SIGLEC14: variants seen among roughly 807,000 people sequenced by gnomAD.
The protein encoded by SIGLEC14 is sialic acid-binding Ig-like lectin 14.
A neutral mutation model predicts 34.2 loss-of-function variants in SIGLEC14; 11 were observed. That is an observed-to-expected ratio of 0.32 (90% CI 0.20 to 0.53). The LOEUF is 0.53. Ranked by LOEUF, SIGLEC14 falls within the 20% of genes least tolerant of loss-of-function variation. SIGLEC14 has a pLI of 0.95. For synonymous variants in SIGLEC14, 99 were observed against 179.7 expected (o/e 0.55, Z 3.59); for missense variants, 264 against 439.0 (o/e 0.60, Z 3.56).
chr19:51,641,592 C>T lies in SIGLEC14; in HGVS notation c.*1763G>A, dbSNP rs1161752343. Among the ~76,000 whole-genome samples the T allele has an allele frequency of 7.2e-6, 1 of 139,316 alleles. No homozygotes were observed. The highest frequency in any genetic ancestry group is 1.5e-5 in the Non-Finnish European group (1 of 65,022). The allele number at this position is 139,316 out of a possible 152,430, so 91.4% of individuals were successfully genotyped here. A position where few individuals can be genotyped will look rare whatever the true frequency, so the allele number is the denominator to read the frequency against. On this transcript the variant is annotated 3_prime_UTR_variant, in exon 7 of 7. Coordinates refer to ENST00000360844, the MANE Select transcript of SIGLEC14 (RefSeq NM_001098612.3). ...TAGAGAAAATGTGGTACATATACAC[C>T]ATGGAATACTAAGCAGCCATAAAAA...
At position 51,642,645 on chromosome 19, in the gene SIGLEC14, GT is replaced by G. The variant is rs954759997; in HGVS notation, c.*709del. On this transcript the variant is annotated 3_prime_UTR_variant, in exon 7 of 7. Transcript: ENST00000360844. ...TGGATAATAATCACAATGAGGTAGAGTTTTAACTGGAAAACAAATGCTGCCT... is the reference window on the plus strand; with the variant it reads ...TGGATAATAATCACAATGAGGTAGAGTTTAACTGGAAAACAAATGCTGCCT... 2.2e-5 allele frequency: 3 copies of G among 138,842 alleles called. 1 individual carries two copies. Among genetic ancestry groups the G allele is most frequent in the African/African-American group, 8.2e-5 (3 of 36,448 alleles). The allele number at this position is 138,842 out of a possible 1,614,324, so 8.6% of individuals were successfully genotyped here.
chr19:51,640,944 C>T lies in SIGLEC14; in HGVS notation c.*2411G>A, dbSNP rs1357894473. 1.4e-5 allele frequency among the ~76,000 whole-genome samples: 2 copies of T among 138,948 alleles called. 1 individual carries two copies. The highest frequency in any genetic ancestry group is 5.5e-5 in the African/African-American group (2 of 36,536). 91.2% of individuals were successfully genotyped at this position (138,948 alleles called of 152,430 possible). A position where few individuals can be genotyped will look rare whatever the true frequency, so the allele number is the denominator to read the frequency against. ...GAGCCAAGATCGCGCCATTGCACTC[C>T]AGCCTGGGCAAAAAGAGCGAAACTC... is the stretch of plus-strand genomic sequence containing the variant. On this transcript the variant is annotated 3_prime_UTR_variant, in exon 7 of 7. Transcript: ENST00000360844.
Position 51,640,875 on chromosome 19 carries a change from T to C in SIGLEC14, c.*2480A>G, listed in dbSNP as rs1194154580. On this transcript the variant is annotated 3_prime_UTR_variant, in exon 7 of 7. Transcript: ENST00000360844. ...CTGTAATCCAAGCTATTTGGGAGGC[T>C]GAGGCAGGAGAATCACTTGTACCTG... 1.4e-5 allele frequency among the ~76,000 whole-genome samples: 2 copies of C among 138,416 alleles called. No individual in the cohort carries two copies. The highest frequency in any genetic ancestry group is 5.5e-5 in the African/African-American group (2 of 36,298). The allele number at this position is 138,416 out of a possible 152,430, so 90.8% of individuals were successfully genotyped here.
Position 51,640,441 on chromosome 19 carries a change from T to C in SIGLEC14, c.*2914A>G, listed in dbSNP as rs573732070. On this transcript the variant is annotated 3_prime_UTR_variant, in exon 7 of 7. Coordinates refer to ENST00000360844, the MANE Select transcript of SIGLEC14 (RefSeq NM_001098612.3). ...TGAAGCCCAGGGCAACTAGGAACACTGAAACAACAGGTAACAATTCTGGAA... is the reference window on the plus strand; with the variant it reads ...TGAAGCCCAGGGCAACTAGGAACACCGAAACAACAGGTAACAATTCTGGAA... Among the ~76,000 whole-genome samples the C allele has an allele frequency of 6.8e-4, 95 of 138,760 alleles. 6 individuals carry two copies. The highest frequency in any genetic ancestry group is 2.4e-3 in the African/African-American group (88 of 36,588). The allele number at this position is 138,760 out of a possible 152,430, so 91.0% of individuals were successfully genotyped here.
At chr19:51,643,487 A>ACC in intron 6 of SIGLEC14, 50 bp downstream of exon 6, 6 of 1,299,132 alleles carry the variant, frequency 4.6e-6, no homozygotes, top group Non-Finnish European at 4.0e-6. Flanking sequence ...AGGACAGCTC[A>ACC]GCCCCACCTG....
chr19:51,643,777 A>C lies in SIGLEC14; in HGVS notation c.1012+2T>G. ...ACCCTCAGCACCTGTCCTGCAACTC[A>C]CTCTGCACAGAAAGGATGAAGGACA... On this transcript the variant is annotated splice_donor_variant, in intron 5 of 6. Transcript: ENST00000360844. LOFTEE classifies it high-confidence loss of function. 6.6e-7 allele frequency: 1 copy of C among 1,515,076 alleles called. No homozygotes were observed. Among genetic ancestry groups the C allele is most frequent in the Non-Finnish European group, 8.8e-7 (1 of 1,130,354 alleles). The allele number at this position is 1,515,076 out of a possible 1,614,324, so 93.9% of individuals were successfully genotyped here.
chr19:51,645,436 G>T, intron 4 of SIGLEC14, 41 bp downstream of exon 4: 1 of 1,481,362 alleles, frequency 6.8e-7, no homozygotes, highest in Non-Finnish European at 9.1e-7. Context: ...GCTAATAGAA[G>T]GCTCCCATCA....
Position 51,642,606 on chromosome 19 carries a change from T to G in SIGLEC14, c.*749A>C, listed in dbSNP as rs1015529176. Reference sequence around the variant, plus strand: ...TGTTTCATAAAAGTTTTACTTATTTTGTAACAATTGTATTGGATAATAATC... The same window carrying G: ...TGTTTCATAAAAGTTTTACTTATTTGGTAACAATTGTATTGGATAATAATC... On this transcript the variant is annotated 3_prime_UTR_variant, in exon 7 of 7. Coordinates refer to ENST00000360844, the MANE Select transcript of SIGLEC14 (RefSeq NM_001098612.3). 1 of 139,288 alleles carries G rather than the reference T, an allele frequency of 7.2e-6. No homozygotes were observed. Among genetic ancestry groups the G allele is most frequent in the Non-Finnish European group, 1.5e-5 (1 of 65,110 alleles). The allele number at this position is 139,288 out of a possible 1,614,324, so 8.6% of individuals were successfully genotyped here. A position where few individuals can be genotyped will look rare whatever the true frequency, so the allele number is the denominator to read the frequency against.
rs777283350 is a variant in SIGLEC14 at position 51,645,600 on chromosome 19, C to A, written c.701-70G>T. 3.4e-6 allele frequency: 5 copies of A among 1,473,670 alleles called. 1 individual carries two copies. Among genetic ancestry groups the A allele is most frequent in the South Asian group, 2.5e-5 (2 of 81,358 alleles). The allele number at this position is 1,473,670 out of a possible 1,614,324, so 91.3% of individuals were successfully genotyped here. A position where few individuals can be genotyped will look rare whatever the true frequency, so the allele number is the denominator to read the frequency against. ...GATGGGCGTGGTCCCGGGAGGGACCCAAGGAGGGGCCACAGAAACCCACCA... is the reference window on the plus strand; with the variant it reads ...GATGGGCGTGGTCCCGGGAGGGACCAAAGGAGGGGCCACAGAAACCCACCA... On this transcript the variant is annotated intron_variant, in intron 3 of 6. Coordinates refer to ENST00000360844, the MANE Select transcript of SIGLEC14 (RefSeq NM_001098612.3).
At position 51,644,058 on chromosome 19, in the gene SIGLEC14, A is replaced by G. The variant is rs765564793; in HGVS notation, c.755-22T>C. On this transcript the variant is annotated intron_variant, in intron 4 of 6. Transcript: ENST00000360844. ...AGGGCTGGGAAAGAGAAGCACAGCC[A>G]GGTGAGTGGAGCTGGGAGGCCCAAT... 1.8e-5 allele frequency: 26 copies of G among 1,480,402 alleles called. 5 individuals carry two copies. In the South Asian group the frequency reaches 2.7e-4, roughly 15 times the overall value. The allele number at this position is 1,480,402 out of a possible 1,614,324, so 91.7% of individuals were successfully genotyped here.
Position 51,645,003 on chromosome 19 carries a change from T to C in SIGLEC14, c.754+474A>G, listed in dbSNP as rs1423300311. On this transcript the variant is annotated intron_variant, in intron 4 of 6. Transcript: ENST00000360844. The stretch of plus-strand genomic sequence containing the variant: ...CAGAGGACATCGGAGCAGGCAGAAA[T>C]TCAAGAAAAGGGAACAGCGTGTCCT... Among the ~76,000 whole-genome samples, 3 of 136,040 alleles carry C rather than the reference T, an allele frequency of 2.2e-5. 1 individual carries two copies. Among genetic ancestry groups the C allele is most frequent in the Non-Finnish European group, 4.7e-5 (3 of 64,252 alleles). The allele number at this position is 136,040 out of a possible 152,430, so 89.2% of individuals were successfully genotyped here. A position where few individuals can be genotyped will look rare whatever the true frequency, so the allele number is the denominator to read the frequency against.
In SIGLEC14 at chr19:51,641,267, C is replaced by G. The variant is rs180855930; in HGVS notation, c.*2088G>C. Among the ~76,000 whole-genome samples, 132 of 139,228 alleles carry G rather than the reference C, an allele frequency of 9.5e-4. 21 individuals are homozygous for G. The highest frequency in any genetic ancestry group is 8.0e-3 in the South Asian group (33 of 4,106). 91.3% of individuals were successfully genotyped at this position (139,228 alleles called of 152,430 possible). A position where few individuals can be genotyped will look rare whatever the true frequency, so the allele number is the denominator to read the frequency against. ...GGGCAATACACATTCTTTCTAAGCA[C>G]ACATGGAGCATTCACCAAGATAGAC... is the stretch of plus-strand genomic sequence containing the variant. On this transcript the variant is annotated 3_prime_UTR_variant, in exon 7 of 7. Transcript: ENST00000360844.
Position 51,640,900 on chromosome 19 carries a change from G to C in SIGLEC14, c.*2455C>G, listed in dbSNP as rs1431413998. ...TGAGGCAGGAGAATCACTTGTACCT[G>C]GGAGGCGGAGGTTGCAGTGAGCCAA... On this transcript the variant is annotated 3_prime_UTR_variant, in exon 7 of 7. Transcript: ENST00000360844. Among the ~76,000 whole-genome samples, 1 of 138,722 alleles carries C rather than the reference G, an allele frequency of 7.2e-6. No homozygotes were observed. Among genetic ancestry groups the C allele is most frequent in the Non-Finnish European group, 1.5e-5 (1 of 64,868 alleles). 91.0% of individuals were successfully genotyped at this position (138,722 alleles called of 152,430 possible).
chr19:51,644,045 G>T lies in SIGLEC14; in HGVS notation c.755-9C>A. On this transcript the variant is annotated splice_polypyrimidine_tract_variant and intron_variant, in intron 4 of 6. Coordinates refer to ENST00000360844, the MANE Select transcript of SIGLEC14 (RefSeq NM_001098612.3). The stretch of plus-strand genomic sequence containing the variant: ...GCTCAGGATCCGCAGGGCTGGGAAA[G>T]AGAAGCACAGCCAGGTGAGTGGAGC... 1 of 1,494,664 alleles carries T rather than the reference G, an allele frequency of 6.7e-7. No individual in the cohort carries two copies. Among genetic ancestry groups the T allele is most frequent in the South Asian group, 1.3e-5 (1 of 77,068 alleles). 92.6% of individuals were successfully genotyped at this position (1,494,664 alleles called of 1,614,324 possible).
chr19:51,643,683 G>A lies in SIGLEC14; in HGVS notation c.1013-11C>T. The stretch of plus-strand genomic sequence containing the variant: ...AGGAAGAGGAGCTTCCTGGGAGAAA[G>A]GAGAAGGTAAGGTGCTGTTACCAGG... On this transcript the variant is annotated splice_polypyrimidine_tract_variant and intron_variant, in intron 5 of 6. Transcript: ENST00000360844. The A allele has an allele frequency of 6.5e-7, 1 of 1,531,516 alleles. No homozygotes were observed. The highest frequency in any genetic ancestry group is 1.5e-5 in the African/African-American group (1 of 66,970). 94.9% of individuals were successfully genotyped at this position (1,531,516 alleles called of 1,614,324 possible).
rs1208106290 is a variant in SIGLEC14, at chr19:51,640,047, C to T, written c.*3308G>A. ...GCCCTCCAAAGTGGAATGACATCTCCAAAAGGTTAAAAGAAAAATGCAAAG... is the reference window on the plus strand; with the variant it reads ...GCCCTCCAAAGTGGAATGACATCTCTAAAAGGTTAAAAGAAAAATGCAAAG... On this transcript the variant is annotated 3_prime_UTR_variant, in exon 7 of 7. Coordinates refer to ENST00000360844, the MANE Select transcript of SIGLEC14 (RefSeq NM_001098612.3). The T allele has an allele frequency of 7.2e-6, 1 of 138,890 alleles. No individual in the cohort carries two copies. Among genetic ancestry groups the T allele is most frequent in the Non-Finnish European group, 1.5e-5 (1 of 64,904 alleles). The allele number at this position is 138,890 out of a possible 1,614,324, so 8.6% of individuals were successfully genotyped here. A position where few individuals can be genotyped will look rare whatever the true frequency, so the allele number is the denominator to read the frequency against.
chr19:51,643,814 C>T lies in SIGLEC14; in HGVS notation c.977G>A (p.Gly326Asp). Residue 326 changes from glycine to aspartate, a missense_variant, in exon 5 of 7, where the codon GGC becomes GAC. Around this residue, in one of 5 missense-constraint regions of SIGLEC14, gnomAD observed 149 missense variants for 184.4 expected, o/e 0.81. Coordinates refer to ENST00000360844, the MANE Select transcript of SIGLEC14 (RefSeq NM_001098612.3). ...AAGGATGAAGGACAGGTGCTGGGAG[C>T]CCAGCGGATGCTGAACCCGGCAGGT... is the stretch of plus-strand genomic sequence containing the variant. The part of the protein sequence containing the change: ...EFTCRVQHPL[G>D]SQHLSFILSV... 1.4e-5 allele frequency: 22 copies of T among 1,526,700 alleles called. 3 individuals carry two copies. Among genetic ancestry groups the T allele is most frequent in the Non-Finnish European group, 1.9e-5 (22 of 1,136,936 alleles). The allele number at this position is 1,526,700 out of a possible 1,614,324, so 94.6% of individuals were successfully genotyped here.
Position 51,645,435 on chromosome 19 carries a change from AG to A in SIGLEC14, c.754+41del, listed in dbSNP as rs762186138. The A allele has an allele frequency of 4.1e-6, 6 of 1,478,264 alleles. 1 individual carries two copies. In the African/African-American group the frequency reaches 9.2e-5, roughly 23 times the overall value. 91.6% of individuals were successfully genotyped at this position (1,478,264 alleles called of 1,614,324 possible). A position where few individuals can be genotyped will look rare whatever the true frequency, so the allele number is the denominator to read the frequency against. ...CAATGCTGAACCCTGAGCTAATAGA[AG>A]GCTCCCATCACAGCCCCAGAGGGAA... On this transcript the variant is annotated intron_variant, in intron 4 of 6. Coordinates refer to ENST00000360844, the MANE Select transcript of SIGLEC14 (RefSeq NM_001098612.3).
At position 51,643,335 on chromosome 19, in the gene SIGLEC14, C is replaced by A. The variant is rs772267477; in HGVS notation, c.*20G>T. 2.0e-6 allele frequency: 3 copies of A among 1,523,514 alleles called. No homozygotes were observed. The highest frequency in any genetic ancestry group is 3.5e-5 in the Admixed American group (2 of 57,592). 94.4% of individuals were successfully genotyped at this position (1,523,514 alleles called of 1,614,324 possible). On this transcript the variant is annotated 3_prime_UTR_variant, in exon 7 of 7. Coordinates refer to ENST00000360844, the MANE Select transcript of SIGLEC14 (RefSeq NM_001098612.3). ...AGGGCTAAGTGTCCACACCTCAGTTCTGTCTTGAGCGGGAGGGGCTCAGCC... is the reference window on the plus strand; with the variant it reads ...AGGGCTAAGTGTCCACACCTCAGTTATGTCTTGAGCGGGAGGGGCTCAGCC...
Sources: gnomAD v4.1 joint callset for allele counts (sites outside exome capture counted in the v4.1 genomes callset) on GRCh38, gnomAD v4.1.1 for gene constraint, gnomAD v4.1.1 regional missense constraint, MANE v1.5 for transcripts, NCBI Gene and HGNC (gene_info 2026-07-23, HGNC 2026-07-21) for gene names.